Variants in SYNE1 observed in about 807,000 individuals in gnomAD.
SYNE1 encodes spectrin repeat containing nuclear envelope protein 1.
A neutral mutation model predicts 1,111.0 loss-of-function variants in SYNE1; 616 were observed. The ratio of observed to expected loss-of-function variants is 0.55; its 90% CI spans 0.52 to 0.59. SYNE1 has a LOEUF of 0.59. SYNE1 is among the 20% of genes least tolerant of loss of function. The pLI is 0.00. For missense variants in SYNE1, 10,006 were observed against 10,417.0 expected, an observed-to-expected ratio of 0.96 and a Z score of 1.72; for synonymous variants, 3,855 against 3,825.8, an observed-to-expected ratio of 1.01 and a Z score of -0.28.
At chr6:152,515,218 T>C (rs1485687263) in intron 6 of SYNE1, among the ~76,000 whole-genome samples, 1 of 146,750 alleles carries the variant, frequency 6.8e-6, no homozygotes, top group Non-Finnish European at 1.5e-5. Context: ...CAAGAGTCTG[T>C]CTCAAAAAAA....
intron 111 of SYNE1, 119 bp from the exon 112 acceptor site, chr6:152,234,082 A>C: frequency 1.8e-6 from 2 of 1,087,390 alleles, no homozygotes; most frequent in Non-Finnish European, 2.7e-6. Context: ...GTTATGCTGA[A>C]CACTCAAAAG....
chr6:152,429,708 A>G (rs1563957853), intron 36 of SYNE1, among the ~76,000 whole-genome samples: 1 of 152,326 alleles, frequency 6.6e-6, no homozygotes, highest in East Asian at 1.9e-4. Context: ...TTGGAAACAG[A>G]TCAGTGAGGA....
chr6:152,560,928 A>G (rs1398797580), intron 3 of SYNE1, among the ~76,000 whole-genome samples: 2 of 152,180 alleles, frequency 1.3e-5, no homozygotes, highest in Admixed American at 1.3e-4. Flanking sequence ...CACAATAAAG[A>G]CCACATAAGA....
In SYNE1 at chr6:152,390,422, C is replaced by G; in HGVS notation, c.8035G>C (p.Val2679Leu). The G allele has an allele frequency of 6.2e-7, 1 of 1,614,100 alleles. No homozygotes were observed. The highest frequency in any genetic ancestry group is 8.5e-7 in the Non-Finnish European group (1 of 1,180,012). ...DILLMKGEGE[V>L]KLNMAIGKGE... ...TTGCCAATGGCCATATTCAACTTAA[C>G]TTCCCCTTCACCTTTCATCAGGAGA... The change falls in exon 53 of 146, where the codon GTT (valine) becomes CTT (leucine). Residue 2679 changes from valine (V) to leucine (L), a missense_variant. By Grantham distance (32) the Val-to-Leu change is conservative. Around this residue, in one of 7 missense-constraint regions of SYNE1, gnomAD observed 4,955 missense variants for 5,017.2 expected, o/e 0.99. Coordinates refer to ENST00000367255, the MANE Select transcript of SYNE1 (RefSeq NM_182961.4).
At chr6:152,352,921 C>T (rs1020660642) in intron 69 of SYNE1, among the ~76,000 whole-genome samples, 4 of 152,164 alleles carry the variant, frequency 2.6e-5, no homozygotes, top group African/African-American at 7.2e-5. Context: ...TCATCCTTAG[C>T]AATCTCCTTC....
chr6:152,589,338 A>G (rs531440780), intron 3 of SYNE1, among the ~76,000 whole-genome samples: 7 of 152,224 alleles, frequency 4.6e-5, no homozygotes, highest in African/African-American at 1.7e-4. Context: ...GTAATCTCAG[A>G]AAACCATTTT....
At position 152,465,540 on chromosome 6, in the gene SYNE1, T is replaced by C. The variant is rs546604132; in HGVS notation, c.1730-80A>G. On this transcript the variant is annotated intron_variant, in intron 17 of 145. Transcript: ENST00000367255. ...CCTTTTTTTCTATGGTCTTATACAT[T>C]GGTGTGCAATAGTATCCATCACAAA... is the stretch of plus-strand genomic sequence containing the variant. 1.1e-5 allele frequency: 14 copies of C among 1,278,840 alleles called. No homozygotes were observed. In the African/African-American group the frequency reaches 1.8e-4, roughly 16 times the overall value. The allele number at this position is 1,278,840 out of a possible 1,614,324, so 79.2% of individuals were successfully genotyped here.
chr6:152,448,509 G>A (rs2098614273), intron 28 of SYNE1, among the ~76,000 whole-genome samples: 1 of 152,102 alleles, frequency 6.6e-6, no homozygotes, highest in Non-Finnish European at 1.5e-5. Flanking sequence ...CCATGATATT[G>A]AGCACCACTA....
At chr6:152,261,074 TAC>T (rs1220961730) in intron 101 of SYNE1, among the ~76,000 whole-genome samples, 1 of 152,144 alleles carries the variant, frequency 6.6e-6, no homozygotes, top group East Asian at 1.9e-4. Flanking sequence ...TCCAATTCAC[TAC>T]AGTTATTGAC....
rs1268770395 is a variant in SYNE1, at chr6:152,334,357, T to C, written c.12529-84A>G. On this transcript the variant is annotated intron_variant, in intron 76 of 145. Coordinates refer to ENST00000367255, the MANE Select transcript of SYNE1 (RefSeq NM_182961.4). ...AGAGAGCAACACAGACATAAGACCT[T>C]TAAACACTCTAAGTTCCTTAATATG... 4 of 1,460,024 alleles carry C rather than the reference T, an allele frequency of 2.7e-6. No homozygotes were observed. The African/African-American group carries it at 4.2e-5, about 15-fold the overall frequency. 90.4% of individuals were successfully genotyped at this position (1,460,024 alleles called of 1,614,324 possible).
At chr6:152,210,449 C>G (rs775335735) in intron 124 of SYNE1, among the ~76,000 whole-genome samples, 2 of 152,010 alleles carry the variant, frequency 1.3e-5, no homozygotes, top group Non-Finnish European at 2.9e-5. Context: ...AGGAAAGCTC[C>G]CATTTAAGTT....
chr6:152,629,546 G>GGGGGGGGGGGGGGC (rs2099694051), intron 2 of SYNE1, among the ~76,000 whole-genome samples: 1 of 112,782 alleles, frequency 8.9e-6, no homozygotes. Context: ...GGAGGGGGAG[G>GGGGGGGGGGGGGGC]GGAGGAGGGG....
intron 3 of SYNE1, among the ~76,000 whole-genome samples, chr6:152,601,219 C>T (rs990603696): frequency 6.6e-6 from 1 of 152,092 alleles, no homozygotes; most frequent in African/African-American, 2.4e-5. Context: ...AAGTCAAATG[C>T]CTAAAAATAG....
Position 152,455,573 on chromosome 6 carries a change from A to G in SYNE1, c.2745T>C (p.Thr915=). The G allele has an allele frequency of 6.2e-7, 1 of 1,614,112 alleles. No individual in the cohort carries two copies. The highest frequency in any genetic ancestry group is 8.5e-7 in the Non-Finnish European group (1 of 1,180,012). Residue 915 remains threonine (T), a synonymous_variant, in exon 24 of 146, where the codon ACT becomes ACC. Transcript: ENST00000367255. The part of the protein sequence containing the change: ...HVAFQSMVKK[T]GDWKKHVETN... ...TTTCCACATGCTTCTTCCAATCTCC[A>G]GTTTTCTTTACCATACTCTTGATGT...
Position 152,242,345 on chromosome 6 carries a change from T to C in SYNE1, c.19788A>G (p.Gln6596=). Residue 6596 remains glutamine (Q), a synonymous_variant, in exon 107 of 146, where the codon CAA becomes CAG. Transcript: ENST00000367255. ...CAGTTTCTAGCAGGTCAGCCAGATC[T>C]TGTAGGGCCCTCTCATACTGACTCT... The part of the protein sequence containing the change: ...TLKSQYERAL[Q]DLADLLETGQ... The C allele has an allele frequency of 1.2e-6, 2 of 1,614,116 alleles. No individual in the cohort carries two copies. Among genetic ancestry groups the C allele is most frequent in the Middle Eastern group, 1.6e-4 (1 of 6,062 alleles).
intron 99 of SYNE1, 133 bp from the exon 100 acceptor site, chr6:152,268,298 G>A (rs1281255258): frequency 1.1e-5 from 8 of 711,018 alleles, no homozygotes; most frequent in African/African-American, 3.5e-5. Flanking sequence ...CATAAAGCAT[G>A]AGGTTTATGT....
intron 4 of SYNE1, among the ~76,000 whole-genome samples, chr6:152,528,265 G>A (rs928217924): frequency 1.3e-5 from 2 of 152,084 alleles, no homozygotes; most frequent in African/African-American, 4.8e-5. Flanking sequence ...CATGTGGCAG[G>A]CACTTCATAT....
chr6:152,413,641 A>C, intron 41 of SYNE1, 110 bp from the exon 42 acceptor site: 1 of 1,113,840 alleles, frequency 9.0e-7, no homozygotes, highest in Non-Finnish European at 1.3e-6. Flanking sequence ...GACAGCTAGA[A>C]AAACTTTTAA....
At chr6:152,167,974 C>T (rs374202900) in intron 130 of SYNE1, 14 of 777,322 alleles carry the variant, frequency 1.8e-5, no homozygotes, top group Admixed American at 6.8e-5. Flanking sequence ...GTCCACATGG[C>T]CAGCTATCTC....
Sources: allele counts gnomAD v4.1 joint callset (sites outside exome capture counted in the v4.1 genomes callset), GRCh38; gene constraint gnomAD v4.1.1; regional missense constraint gnomAD v4.1.1; transcripts MANE v1.5; gene names NCBI Gene and HGNC (gene_info 2026-07-23, HGNC 2026-07-21).